Variants in IFT88 observed in about 807,000 individuals in gnomAD.
IFT88 encodes intraflagellar transport protein 88 homolog.
A neutral mutation model predicts 119.5 loss-of-function variants in IFT88; 74 were observed. The observed-to-expected ratio is 0.62, with a 90% CI of 0.51 to 0.75. The LOEUF is 0.75. Among genes scored for constraint, IFT88 ranks in the 30% least tolerant of loss-of-function variants. IFT88 has a pLI of 0.00. For missense variants in IFT88, 961 were observed against 977.7 expected (o/e 0.98, Z 0.23); for synonymous variants, 279 against 316.7 (o/e 0.88, Z 1.26).
chr13:20,615,828 C>T lies in IFT88; in HGVS notation c.1148C>T (p.Ala383Val). 6.2e-7 allele frequency: 1 copy of T among 1,607,590 alleles called. No individual in the cohort carries two copies. The highest frequency in any genetic ancestry group is 8.5e-7 in the Non-Finnish European group (1 of 1,177,302). ...AMAEKYIMTS[A>V]KLIAPVIETS... Reference sequence around the variant, plus strand: ...GCAGAAAAATATATTATGACATCTGCAAAACTCATTGCTCCTGTAATTGAA... The same window carrying T: ...GCAGAAAAATATATTATGACATCTGTAAAACTCATTGCTCCTGTAATTGAA... Residue 383 changes from alanine (A) to valine (V), a missense_variant, in exon 14 of 26, where the codon GCA becomes GTA. Transcript: ENST00000351808.
At chr13:20,581,327 G>T (rs953229779) in intron 2 of IFT88, among the ~76,000 whole-genome samples, 1 of 152,174 alleles carries the variant, frequency 6.6e-6, no homozygotes, top group East Asian at 1.9e-4. Context: ...TTTGTAATTG[G>T]AGAATTTGTT....
chr13:20,641,709 C>T (rs772688583), intron 18 of IFT88: 7 of 197,628 alleles, frequency 3.5e-5, no homozygotes, highest in Non-Finnish European at 5.2e-5. Context: ...TGCTTTAGAA[C>T]GTTGTATTAA....
intron 11 of IFT88, among the ~76,000 whole-genome samples, chr13:20,600,187 A>AT (rs1566140579): frequency 6.6e-6 from 1 of 152,138 alleles, no homozygotes; most frequent in African/African-American, 2.4e-5. Context: ...ATAATATCTC[A>AT]TTATCATTAG....
intron 16 of IFT88, among the ~76,000 whole-genome samples, chr13:20,634,800 TTA>T (rs1447101135): frequency 4.8e-5 from 4 of 83,374 alleles, no homozygotes; most frequent in Non-Finnish European, 1.2e-4. Flanking sequence ...AAAGATTTCT[TTA>T]TTTTTTTTTT....
chr13:20,668,499 T>C (rs573884367), intron 23 of IFT88, among the ~76,000 whole-genome samples: 3 of 152,348 alleles, frequency 2.0e-5, no homozygotes, highest in Admixed American at 6.5e-5. Context: ...CAAGAAATCC[T>C]TGCTACAGCT....
At chr13:20,663,404 C>T in intron 22 of IFT88, 94 bp from the exon 23 acceptor site, 1 of 1,557,190 alleles carries the variant, frequency 6.4e-7, no homozygotes, top group Non-Finnish European at 8.7e-7. Context: ...TCATTCCTAC[C>T]TGTATCCCAA....
intron 24 of IFT88, among the ~76,000 whole-genome samples, chr13:20,674,121 G>C (rs1411039): frequency 0.92 from 140,036 of 152,236 alleles, 64,496 homozygotes; most frequent in East Asian, 1. Context: ...TTTTCTGTCC[G>C]CCTTCTCCAG....
At chr13:20,570,098 A>G (rs1213350687) in intron 1 of IFT88, among the ~76,000 whole-genome samples, 1 of 152,136 alleles carries the variant, frequency 6.6e-6, no homozygotes, top group African/African-American at 2.4e-5. Context: ...AGATATAGAA[A>G]TGGATAATAA....
At chr13:20,664,268 T>C (rs1370972832) in intron 23 of IFT88, among the ~76,000 whole-genome samples, 3 of 152,260 alleles carry the variant, frequency 2.0e-5, no homozygotes, top group Non-Finnish European at 2.9e-5. Flanking sequence ...ATGTTAAAAC[T>C]AGAAGTTTTA....
intron 24 of IFT88, among the ~76,000 whole-genome samples, chr13:20,674,225 G>A (rs528914450): frequency 6.6e-6 from 1 of 152,242 alleles, no homozygotes; most frequent in South Asian, 2.1e-4. Flanking sequence ...CCTTCCTTTT[G>A]ATTTCAAAGT....
intron 24 of IFT88, among the ~76,000 whole-genome samples, chr13:20,689,245 T>C (rs538143660): frequency 1.7e-4 from 26 of 152,354 alleles, no homozygotes; most frequent in Admixed American, 1.4e-3. Flanking sequence ...GGTTTTATTT[T>C]TTAAAGGTTT....
At chr13:20,671,584 C>T (rs547318344) in intron 24 of IFT88, among the ~76,000 whole-genome samples, 1 of 152,300 alleles carries the variant, frequency 6.6e-6, no homozygotes, top group East Asian at 1.9e-4. Flanking sequence ...CTTTGCATCT[C>T]TAAAATTCTT....
intron 3 of IFT88, among the ~76,000 whole-genome samples, chr13:20,586,962 A>G (rs1485090770): frequency 6.6e-6 from 1 of 151,944 alleles, no homozygotes; most frequent in East Asian, 1.9e-4. Flanking sequence ...AATATTTTCT[A>G]ATTTCCATGG....
At chr13:20,607,507 C>T (rs915902770) in intron 13 of IFT88, 1 of 689,458 alleles carries the variant, frequency 1.5e-6, no homozygotes. Context: ...TGTCTTTTGA[C>T]ATGTGGGGAG....
At chr13:20,570,800 G>T (rs2036198438) in intron 1 of IFT88, among the ~76,000 whole-genome samples, 1 of 120,722 alleles carries the variant, frequency 8.3e-6, no homozygotes, top group Admixed American at 9.7e-5. Flanking sequence ...GCACAACCTT[G>T]TGAATATACT....
chr13:20,628,648 C>T (rs868686218), intron 15 of IFT88, among the ~76,000 whole-genome samples: 1 of 151,934 alleles, frequency 6.6e-6, no homozygotes, highest in African/African-American at 2.4e-5. Context: ...GAAAAAATAC[C>T]CGAGTGTTCC....
rs145172654 is a variant in IFT88 at position 20,647,170 on chromosome 13, T to C, written c.1949+2212T>C. ...ATTTCTCTCTACTTTTCTATAAACT[T>C]ACTTCCACTTGCACCTGCTGTTATC... On this transcript the variant is annotated intron_variant, in intron 20 of 25. Transcript: ENST00000351808. 5.9e-4 allele frequency among the ~76,000 whole-genome samples: 90 copies of C among 152,336 alleles called. No individual in the cohort carries two copies. In the Middle Eastern group the frequency reaches 0.01, roughly 17 times the overall value.
chr13:20,573,992 G>T (rs1447081656), intron 1 of IFT88, among the ~76,000 whole-genome samples: 2 of 152,142 alleles, frequency 1.3e-5, no homozygotes, highest in African/African-American at 4.8e-5. Context: ...AGATAAATTT[G>T]ACCACAAATG....
At chr13:20,589,631 C>T (rs1389594104) in intron 3 of IFT88, among the ~76,000 whole-genome samples, 180 bp from the exon 4 acceptor site, 1 of 152,060 alleles carries the variant, frequency 6.6e-6, no homozygotes, top group Non-Finnish European at 1.5e-5. Context: ...GAATGAGTCT[C>T]CTTCTCACAT....
Sources: allele counts gnomAD v4.1 joint callset (sites outside exome capture counted in the v4.1 genomes callset), GRCh38; gene constraint gnomAD v4.1.1; transcripts MANE v1.5; gene names NCBI Gene and HGNC (gene_info 2026-07-23, HGNC 2026-07-21).